CDH15: variants seen among roughly 807,000 people sequenced by gnomAD.
The protein encoded by CDH15 is cadherin-15.
In CDH15, 73 loss-of-function variants were observed where a neutral mutation model predicts 69.4. The ratio of observed to expected loss-of-function variants is 1.05; its 90% confidence interval spans 0.87 to 1.28. The LOEUF (loss-of-function observed/expected upper bound fraction) is 1.28. Ranked by LOEUF, CDH15 falls within the 50% of genes most tolerant of loss-of-function variation. CDH15 has a pLI of 0.00. For synonymous variants in CDH15, 624 were observed against 507.7 expected, an observed-to-expected ratio of 1.23 and a Z score of -3.08; for missense variants, 1,343 against 1,133.6, an observed-to-expected ratio of 1.18 and a Z score of -2.65.
chr16:89,191,536 A>G, intron 9 of CDH15, 64 bp downstream of exon 9: 3 of 1,600,120 alleles, frequency 1.9e-6, no homozygotes, highest in African/African-American at 1.3e-5. Context: ...CACCCCTGCC[A>G]GTGTCGGAGG....
Position 89,179,404 on chromosome 16 carries a change from TC to T in CDH15, c.43-11del. 3.1e-6 allele frequency: 5 copies of T among 1,613,380 alleles called. No homozygotes were observed. The South Asian group carries it at 5.5e-5, about 18-fold the overall frequency. ...GAGACGGTACTGTGGGACGCATCTGTCTTTGTTGCAGAGCCTCTGCCTGTCT... is the reference window on the plus strand; with the variant it reads ...GAGACGGTACTGTGGGACGCATCTGTTTTGTTGCAGAGCCTCTGCCTGTCT... On this transcript the variant is annotated splice_polypyrimidine_tract_variant and intron_variant, in intron 1 of 13. Transcript: ENST00000289746.
intron 4 of CDH15, 47 bp downstream of exon 4, chr16:89,183,739 G>A: frequency 6.5e-7 from 1 of 1,545,296 alleles, no homozygotes; most frequent in Non-Finnish European, 8.7e-7. Flanking sequence ...GCAAGGAAGG[G>A]CTCTGTGAAG....
intron 1 of CDH15, among the ~76,000 whole-genome samples, chr16:89,173,088 C>T (rs1023993117): frequency 2.0e-5 from 3 of 152,110 alleles, no homozygotes; most frequent in African/African-American, 7.2e-5. Context: ...CCTGAGGGCA[C>T]CACGGCTCCT....
In CDH15 at chr16:89,187,421, A is replaced by T; in HGVS notation, c.664-8A>T. On this transcript the variant is annotated splice_region_variant and splice_polypyrimidine_tract_variant and intron_variant, in intron 5 of 13. Transcript: ENST00000289746. ...CTCATCTTCTGACCCTGTGCCCCAC[A>T]TCCCCAGGTGGTCGCGGTGTACAAT... The T allele has an allele frequency of 6.2e-7, 1 of 1,612,458 alleles. No individual in the cohort carries two copies. Among genetic ancestry groups the T allele is most frequent in the South Asian group, 1.1e-5 (1 of 91,058 alleles).
At chr16:89,178,728 C>T (rs1459889412) in intron 1 of CDH15, among the ~76,000 whole-genome samples, 6 of 152,242 alleles carry the variant, frequency 3.9e-5, no homozygotes, top group African/African-American at 7.2e-5. Context: ...GTATGAATTA[C>T]GGATACATCT....
intron 7 of CDH15, among the ~76,000 whole-genome samples, chr16:89,189,520 C>G (rs556127442): frequency 6.6e-6 from 1 of 152,232 alleles, no homozygotes; most frequent in Non-Finnish European, 1.5e-5. Flanking sequence ...GGCATGGAGC[C>G]CCCCAGCCTG....
At chr16:89,179,291 C>T (rs763670971) in intron 1 of CDH15, 125 bp from the exon 2 acceptor site, 48 of 1,132,306 alleles carry the variant, frequency 4.2e-5, no homozygotes, top group African/African-American at 7.7e-5. Context: ...CCAATGGGCA[C>T]CGACCCGTGG....
At position 89,190,319 on chromosome 16, in the gene CDH15, C is replaced by T; in HGVS notation, c.1055C>T (p.Ala352Val). 2 of 1,612,296 alleles carry T rather than the reference C, an allele frequency of 1.2e-6. No homozygotes were observed. The highest frequency in any genetic ancestry group is 1.1e-5 in the South Asian group (1 of 90,970). Residue 352 changes from alanine to valine, a missense_variant, in exon 8 of 14, where the codon GCC becomes GTC. Transcript: ENST00000289746. ...AATGAGGCCCCGCTGCAGGCGGCTG[C>T]CCTTAGGGCTGAGCGGGGCCAGGCC... ...VQNEAPLQAA[A>V]LRAERGQAKV...
At chr16:89,183,438 G>A (rs1311394028) in intron 3 of CDH15, 110 bp from the exon 4 acceptor site, 6 of 1,290,784 alleles carry the variant, frequency 4.6e-6, no homozygotes, top group Non-Finnish European at 6.6e-6. Flanking sequence ...TTAAGCTGGT[G>A]TTTCCAGCTG....
chr16:89,187,896 A>T (rs892781845), intron 6 of CDH15, among the ~76,000 whole-genome samples: 1 of 152,046 alleles, frequency 6.6e-6, no homozygotes, highest in Non-Finnish European at 1.5e-5. Flanking sequence ...CCATGGGGGC[A>T]CGTGGGGGAC....
intron 2 of CDH15, among the ~76,000 whole-genome samples, chr16:89,179,800 C>T (rs946459609): frequency 1.3e-5 from 2 of 152,256 alleles, no homozygotes; most frequent in African/African-American, 4.8e-5. Context: ...GAGCTGCTCC[C>T]ACCCCACATG....
rs1363235259 is a variant in CDH15, at chr16:89,185,101, C to G, written c.503-72C>G. The G allele has an allele frequency of 2.1e-6, 3 of 1,420,994 alleles. No individual in the cohort carries two copies. The East Asian group carries it at 7.4e-5, about 35-fold the overall frequency. 88.0% of individuals were successfully genotyped at this position (1,420,994 alleles called of 1,614,324 possible). A position where few individuals can be genotyped will look rare whatever the true frequency, so the allele number is the denominator to read the frequency against. ...GGAGCCTGTGCACACGAGGTGCCCC[C>G]ACGCCCCTCACAATGCCCCCAGCCC... On this transcript the variant is annotated intron_variant, in intron 4 of 13. Transcript: ENST00000289746.
At chr16:89,192,140 G>A in intron 10 of CDH15, 65 bp from the exon 11 acceptor site, 4 of 1,471,688 alleles carry the variant, frequency 2.7e-6, no homozygotes, top group Non-Finnish European at 3.6e-6. Context: ...GTCTCGGCGC[G>A]AGGAGGGCAG....
chr16:89,192,054 G>A, intron 10 of CDH15, 151 bp from the exon 11 acceptor site: 4 of 1,217,666 alleles, frequency 3.3e-6, no homozygotes, highest in Non-Finnish European at 4.5e-6. Flanking sequence ...CTCCCGTGGG[G>A]CAGGGTTACT....
intron 11 of CDH15, 117 bp from the exon 12 acceptor site, chr16:89,193,353 C>T (rs1450749456): frequency 8.7e-6 from 5 of 571,698 alleles, no homozygotes; most frequent in Non-Finnish European, 1.5e-5. Context: ...CCCCTCAACC[C>T]CACCCCTGCT....
chr16:89,194,026 G>A lies in CDH15; in HGVS notation c.2151+113G>A, dbSNP rs538924615. 9.0e-6 allele frequency: 11 copies of A among 1,223,012 alleles called. No homozygotes were observed. The Admixed American group carries it at 1.6e-4, about 18-fold the overall frequency. The allele number at this position is 1,223,012 out of a possible 1,614,324, so 75.8% of individuals were successfully genotyped here. A position where few individuals can be genotyped will look rare whatever the true frequency, so the allele number is the denominator to read the frequency against. On this transcript the variant is annotated intron_variant, in intron 13 of 13. Coordinates refer to ENST00000289746, the MANE Select transcript of CDH15 (RefSeq NM_004933.3). ...AGAACCGGCGCCTGCATGCACTTATGGGCCGTCCCAGAGCACCGCAGAGGA... is the reference window on the plus strand; with the variant it reads ...AGAACCGGCGCCTGCATGCACTTATAGGCCGTCCCAGAGCACCGCAGAGGA...
At chr16:89,173,947 C>T (rs1278852656) in intron 1 of CDH15, among the ~76,000 whole-genome samples, 2 of 152,344 alleles carry the variant, frequency 1.3e-5, no homozygotes, top group East Asian at 3.9e-4. Context: ...GGGAAGGTCC[C>T]CACTTCTGCA....
rs370027812 is a variant in CDH15, at chr16:89,183,175, T to G, written c.358-373T>G. ...CCAGCCTGGGCAACAAGAGTGAAAC[T>G]CTATCTCAAAAAAAAAAACAAAAAA... On this transcript the variant is annotated intron_variant, in intron 3 of 13. Transcript: ENST00000289746. 527 of 193,116 alleles carry G rather than the reference T, an allele frequency of 2.7e-3. 6 individuals are homozygous for G. Among genetic ancestry groups the G allele is most frequent in the African/African-American group, 0.012 (499 of 42,000 alleles). 12.0% of individuals were successfully genotyped at this position (193,116 alleles called of 1,614,324 possible).
At chr16:89,193,973 C>G (rs910559686) in intron 13 of CDH15, 60 bp downstream of exon 13, 3 of 1,552,476 alleles carry the variant, frequency 1.9e-6, no homozygotes, top group Non-Finnish European at 2.6e-6. Context: ...CACACACATG[C>G]ACATGTACAC....
Sources: gnomAD v4.1 joint callset for allele counts (sites outside exome capture counted in the v4.1 genomes callset) on GRCh38, gnomAD v4.1.1 for gene constraint, MANE v1.5 for transcripts, NCBI Gene and HGNC (gene_info 2026-07-23, HGNC 2026-07-21) for gene names.